Variants in CNTN5 observed in about 807,000 individuals in gnomAD.
The protein encoded by CNTN5 is contactin 5, also known as contactin-5.
A neutral mutation model predicts 129.1 loss-of-function variants in CNTN5; 77 were observed. The ratio of observed to expected loss-of-function variants is 0.60; its 90% CI spans 0.50 to 0.72. The LOEUF (loss-of-function observed/expected upper bound fraction) is 0.72. Ranked by LOEUF, CNTN5 falls within the 30% of genes least tolerant of loss-of-function variation. CNTN5 has a pLI of 0.00. For missense variants in CNTN5, 1,478 were observed against 1,328.8 expected (o/e 1.11, Z -1.75); for synonymous variants, 509 against 465.6 (o/e 1.09, Z -1.20).
chr11:100,136,276 A>G (rs1946522118), intron 13 of CNTN5, among the ~76,000 whole-genome samples: 1 of 152,036 alleles, frequency 6.6e-6, no homozygotes, highest in Non-Finnish European at 1.5e-5. Flanking sequence ...TGTTCAATAT[A>G]AATGGAAATA....
intron 1 of CNTN5, among the ~76,000 whole-genome samples, chr11:99,253,630 C>T (rs1266580329): frequency 1.3e-5 from 2 of 151,766 alleles, no homozygotes; most frequent in African/African-American, 4.8e-5. Context: ...ATTGACTCTT[C>T]CCACCCCTGA....
At chr11:100,041,869 A>G (rs1942397623) in intron 9 of CNTN5, among the ~76,000 whole-genome samples, 1 of 152,220 alleles carries the variant, frequency 6.6e-6, no homozygotes, top group Admixed American at 6.5e-5. Flanking sequence ...ATTCTGAACC[A>G]CATGAAGTCC....
intron 10 of CNTN5, among the ~76,000 whole-genome samples, chr11:100,066,833 C>CAAAAA (rs34290071): frequency 6.9e-4 from 86 of 124,926 alleles, no homozygotes; most frequent in South Asian, 4.6e-3. Context: ...AGTCCTCTGC[C>CAAAAA]AAAAAAAAAA....
intron 3 of CNTN5, among the ~76,000 whole-genome samples, chr11:99,718,579 A>C (rs1943061917): frequency 6.6e-6 from 1 of 152,112 alleles, no homozygotes; most frequent in Admixed American, 6.5e-5. Flanking sequence ...AAAAACTGAA[A>C]GACAGTTTAA....
At chr11:99,125,447 C>T (rs993804501) in intron 1 of CNTN5, among the ~76,000 whole-genome samples, 5 of 151,912 alleles carry the variant, frequency 3.3e-5, no homozygotes, top group Non-Finnish European at 5.9e-5. Flanking sequence ...AATAAAGAAA[C>T]TTACTTCTAA....
chr11:99,436,286 T>C (rs1178281201), intron 2 of CNTN5, among the ~76,000 whole-genome samples: 2 of 152,164 alleles, frequency 1.3e-5, no homozygotes, highest in East Asian at 1.9e-4. Flanking sequence ...TAGAATTTCA[T>C]AGGATGCCAC....
At chr11:100,346,461 G>A (rs1952282463) in intron 23 of CNTN5, among the ~76,000 whole-genome samples, 1 of 152,004 alleles carries the variant, frequency 6.6e-6, no homozygotes, top group Admixed American at 6.6e-5. Context: ...TGAGTGAAAG[G>A]GAAAATAAAA....
intron 6 of CNTN5, among the ~76,000 whole-genome samples, chr11:99,862,369 T>TTA (rs1948234317): frequency 8.6e-6 from 1 of 116,038 alleles, no homozygotes; most frequent in Non-Finnish European, 1.9e-5. Flanking sequence ...AACAGATGTT[T>TTA]TTTTTCCCTG....
intron 1 of CNTN5, among the ~76,000 whole-genome samples, chr11:99,235,792 A>G (rs1861230515): frequency 6.6e-6 from 1 of 152,192 alleles, no homozygotes; most frequent in East Asian, 1.9e-4. Context: ...CTTAACTGAC[A>G]GTGGCAATTG....
intron 1 of CNTN5, among the ~76,000 whole-genome samples, chr11:99,107,724 G>A (rs1248744041): frequency 6.6e-6 from 1 of 151,942 alleles, no homozygotes; most frequent in South Asian, 2.1e-4. Flanking sequence ...GAGGTCAGGA[G>A]ATTGAGACCA....
chr11:99,928,172 A>G (rs749331533), intron 7 of CNTN5, among the ~76,000 whole-genome samples: 31 of 152,044 alleles, frequency 2.0e-4, no homozygotes, highest in South Asian at 6.2e-4. Flanking sequence ...GCCTTGGGCA[A>G]CTCCGCCCCT....
intron 1 of CNTN5, among the ~76,000 whole-genome samples, chr11:99,264,055 A>G (rs531072842): frequency 6.6e-6 from 1 of 152,100 alleles, no homozygotes; most frequent in South Asian, 2.1e-4. Context: ...TGCAGGCATT[A>G]TAAAGAAAAA....
intron 3 of CNTN5, among the ~76,000 whole-genome samples, chr11:99,733,232 G>T (rs907863984): frequency 6.6e-6 from 1 of 150,506 alleles, no homozygotes; most frequent in Non-Finnish European, 1.5e-5. Flanking sequence ...CTGAGGCAGA[G>T]AACTGCTTGA....
intron 1 of CNTN5, among the ~76,000 whole-genome samples, chr11:99,187,021 G>A (rs2135580780): frequency 6.6e-6 from 1 of 152,056 alleles, no homozygotes; most frequent in Admixed American, 6.6e-5. Flanking sequence ...TAAGAGGGTT[G>A]AGTGTTAATG....
chr11:99,772,736 T>A (rs1366933994), intron 3 of CNTN5, among the ~76,000 whole-genome samples: 2 of 152,138 alleles, frequency 1.3e-5, no homozygotes, highest in African/African-American at 2.4e-5. Flanking sequence ...GGAGTTGTAT[T>A]CCCTGATATG....
intron 4 of CNTN5, among the ~76,000 whole-genome samples, chr11:99,844,114 C>T (rs1010920314): frequency 6.6e-6 from 1 of 152,178 alleles, no homozygotes; most frequent in Admixed American, 6.5e-5. Flanking sequence ...CAGAATTTCT[C>T]TGAGTATTAG....
intron 6 of CNTN5, among the ~76,000 whole-genome samples, chr11:99,891,839 T>C (rs1949068185): frequency 6.6e-6 from 1 of 152,180 alleles, no homozygotes; most frequent in Non-Finnish European, 1.5e-5. Flanking sequence ...CCTCTGGGTA[T>C]ATACCCAGTA....
chr11:100,085,415 G>A (rs1944511417), intron 13 of CNTN5, among the ~76,000 whole-genome samples: 1 of 151,852 alleles, frequency 6.6e-6, no homozygotes, highest in Non-Finnish European at 1.5e-5. Context: ...GCAGACACAT[G>A]GTCTATGAAC....
chr11:99,263,144 G>C (rs1415290493), intron 1 of CNTN5, among the ~76,000 whole-genome samples: 1 of 152,062 alleles, frequency 6.6e-6, no homozygotes, highest in African/African-American at 2.4e-5. Flanking sequence ...GTAATTTTGA[G>C]CACAGGCAGA....
Sources: allele counts gnomAD v4.1 joint callset (sites outside exome capture counted in the v4.1 genomes callset), GRCh38; gene constraint gnomAD v4.1.1; transcripts MANE v1.5; gene names NCBI Gene and HGNC (gene_info 2026-07-23, HGNC 2026-07-21).